Variants in ADAMTS16 observed in about 807,000 individuals in gnomAD.
ADAMTS16 encodes the protein ADAM metallopeptidase with thrombospondin type 1 motif 16, also known as A disintegrin and metalloproteinase with thrombospondin motifs 16.
Under a neutral mutation model 145.8 loss-of-function variants are expected in ADAMTS16, and 94 were observed. The observed-to-expected ratio is 0.64, with a 90% CI of 0.55 to 0.77. The LOEUF is 0.77. Ranked by LOEUF, ADAMTS16 falls within the 30% of genes least tolerant of loss-of-function variation. The pLI, the probability that ADAMTS16 is intolerant of heterozygous loss-of-function variation, is 0.00. For synonymous variants in ADAMTS16, 659 were observed against 604.3 expected, an observed-to-expected ratio of 1.09 and a Z score of -1.33; for missense variants, 1,585 against 1,591.5, an observed-to-expected ratio of 1.00 and a Z score of 0.07.
At chr5:5,254,982 G>A (rs1737735841) in intron 17 of ADAMTS16, among the ~76,000 whole-genome samples, 1 of 152,034 alleles carries the variant, frequency 6.6e-6, no homozygotes, top group South Asian at 2.1e-4. Context: ...TGAATCTGCT[G>A]CTTTTTGAAG....
At chr5:5,221,989 A>T (rs1487551805) in intron 10 of ADAMTS16, among the ~76,000 whole-genome samples, 2 of 152,256 alleles carry the variant, frequency 1.3e-5, no homozygotes, top group East Asian at 1.9e-4. Flanking sequence ...AAATGTTTTC[A>T]GCATGTCCAG....
intron 14 of ADAMTS16, 59 bp from the exon 15 acceptor site, chr5:5,239,092 C>T: frequency 1.4e-6 from 2 of 1,393,482 alleles, no homozygotes; most frequent in South Asian, 2.0e-5. Flanking sequence ...AGATTGGTGA[C>T]AGTATTGCTG....
intron 2 of ADAMTS16, among the ~76,000 whole-genome samples, chr5:5,141,031 T>A (rs270204): frequency 6.6e-6 from 1 of 151,930 alleles, no homozygotes; most frequent in Non-Finnish European, 1.5e-5. Flanking sequence ...GTTCATTTTA[T>A]TTTATTCTAA....
chr5:5,159,776 G>A (rs1225057025), intron 3 of ADAMTS16, among the ~76,000 whole-genome samples: 3 of 152,220 alleles, frequency 2.0e-5, no homozygotes, highest in African/African-American at 7.2e-5. Context: ...GTTCTGCAAT[G>A]TTTAGAGCCA....
chr5:5,173,245 A>G (rs1299487126), intron 3 of ADAMTS16, among the ~76,000 whole-genome samples: 1 of 150,616 alleles, frequency 6.6e-6, no homozygotes, highest in Non-Finnish European at 1.5e-5. Context: ...GTCCATTTAC[A>G]TTCAATTTTA....
intron 10 of ADAMTS16, among the ~76,000 whole-genome samples, chr5:5,220,558 G>A (rs1026103895): frequency 6.6e-6 from 1 of 152,112 alleles, no homozygotes; most frequent in Non-Finnish European, 1.5e-5. Context: ...GATCACAGCA[G>A]CCACACGGCA....
Position 5,319,020 on chromosome 5 carries a change from C to T in ADAMTS16, c.3560-3C>T, listed in dbSNP as rs762703480. 6.2e-6 allele frequency: 10 copies of T among 1,606,324 alleles called. No individual in the cohort carries two copies. The highest frequency in any genetic ancestry group is 1.7e-4 in the Middle Eastern group (1 of 6,060). ...TGAGTAATGCAGCTCTGCTCATTTT[C>T]AGATGCCTTCTGCAAAGACTACTTC... On this transcript the variant is annotated splice_polypyrimidine_tract_variant and splice_region_variant and intron_variant, in intron 22 of 22. Coordinates refer to ENST00000274181, the MANE Select transcript of ADAMTS16 (RefSeq NM_139056.4).
At chr5:5,306,797 C>A (rs905700934) in intron 21 of ADAMTS16, 69 bp downstream of exon 21, 7 of 1,409,824 alleles carry the variant, frequency 5.0e-6, no homozygotes, top group Non-Finnish European at 6.7e-6. Context: ...CGCTGGCTCC[C>A]GGGGATGCTT....
At chr5:5,236,890 C>G in intron 13 of ADAMTS16, 79 bp from the exon 14 acceptor site, 1 of 1,485,846 alleles carries the variant, frequency 6.7e-7, no homozygotes, top group Non-Finnish European at 8.9e-7. Flanking sequence ...GAAAGAAAGT[C>G]TATCTAAAAT....
At chr5:5,275,364 A>G (rs1025740896) in intron 18 of ADAMTS16, among the ~76,000 whole-genome samples, 2 of 152,172 alleles carry the variant, frequency 1.3e-5, no homozygotes, top group African/African-American at 4.8e-5. Flanking sequence ...TGGCTTAACA[A>G]TGGGAGTTTG....
chr5:5,205,450 C>G (rs1579309538), intron 9 of ADAMTS16, among the ~76,000 whole-genome samples: 2 of 152,166 alleles, frequency 1.3e-5, no homozygotes, highest in East Asian at 3.9e-4. Context: ...AGTCAACATT[C>G]ATTTTATCCA....
At chr5:5,163,689 GTATTGCTTTCGA>G (rs1734795924) in intron 3 of ADAMTS16, among the ~76,000 whole-genome samples, 1 of 152,224 alleles carries the variant, frequency 6.6e-6, no homozygotes, top group South Asian at 2.1e-4. Context: ...GTTGTACTCA[GTATTGCTTTCGA>G]TATTTATCTA....
At chr5:5,221,279 TG>T (rs1341945293) in intron 10 of ADAMTS16, among the ~76,000 whole-genome samples, 1 of 152,178 alleles carries the variant, frequency 6.6e-6, no homozygotes, top group Non-Finnish European at 1.5e-5. Context: ...AACTCCGTTC[TG>T]GCCAAGAACA....
intron 20 of ADAMTS16, among the ~76,000 whole-genome samples, chr5:5,304,491 G>C (rs72726039): frequency 0.069 from 10,544 of 152,124 alleles, 515 homozygotes; most frequent in African/African-American, 0.13. Context: ...GGGGTATTGA[G>C]AGATCACCGT....
At chr5:5,305,284 ATCCCACACCACACACACACAC>A (rs1740056828) in intron 20 of ADAMTS16, among the ~76,000 whole-genome samples, 1 of 53,546 alleles carries the variant, frequency 1.9e-5, no homozygotes, top group Non-Finnish European at 3.5e-5. Context: ...ACACACACAC[ATCCCACACCACACACACACAC>A]ATCCCACACC....
intron 18 of ADAMTS16, among the ~76,000 whole-genome samples, chr5:5,283,467 C>T (rs569835951): frequency 3.3e-5 from 5 of 151,896 alleles, no homozygotes; most frequent in Admixed American, 1.3e-4. Flanking sequence ...CATGCCCCTC[C>T]CCCCACCTCC....
At chr5:5,288,577 C>A (rs2126484314) in intron 18 of ADAMTS16, among the ~76,000 whole-genome samples, 1 of 152,236 alleles carries the variant, frequency 6.6e-6, no homozygotes, top group South Asian at 2.1e-4. Context: ...TAGAAATACA[C>A]AACTTTTACC....
At chr5:5,194,203 C>T (rs1579301872) in intron 8 of ADAMTS16, among the ~76,000 whole-genome samples, 1 of 152,288 alleles carries the variant, frequency 6.6e-6, no homozygotes, top group East Asian at 1.9e-4. Context: ...GAACACCTGA[C>T]TTCTTCAAGT....
rs1734124025 is a variant in ADAMTS16, at chr5:5,140,502, C to T, written c.35C>T (p.Ala12Val). 6.6e-7 allele frequency: 1 copy of T among 1,518,836 alleles called. No homozygotes were observed. The highest frequency in any genetic ancestry group is 2.1e-5 in the Admixed American group (1 of 48,624). 94.1% of individuals were successfully genotyped at this position (1,518,836 alleles called of 1,614,324 possible). ...KPRARGWRGL[A>V]ALWMLLAQVA... ...CGCGCGCGCGGATGGCGGGGCTTGG[C>T]GGCGCTGTGGATGCTGTTGGCGCAG... is the stretch of plus-strand genomic sequence containing the variant. The change falls in exon 1 of 23, where the codon GCG becomes GTG. Residue 12 changes from alanine to valine, a missense_variant. Around this residue, in one of 3 missense-constraint regions of ADAMTS16, gnomAD observed 453 missense variants for 412.1 expected, o/e 1.10. Transcript: ENST00000274181.
Sources: gnomAD v4.1 joint callset for allele counts (sites outside exome capture counted in the v4.1 genomes callset) on GRCh38, gnomAD v4.1.1 for gene constraint, gnomAD v4.1.1 regional missense constraint, MANE v1.5 for transcripts, NCBI Gene and HGNC (gene_info 2026-07-23, HGNC 2026-07-21) for gene names.